The following TANC2 variants were observed in gnomAD, a reference collection of about 807,000 sequenced individuals.
The protein encoded by TANC2 is protein TANC2.
A neutral mutation model predicts 210.5 loss-of-function variants in TANC2; 26 were observed. The observed-to-expected ratio is 0.12, with a 90% CI of 0.09 to 0.17. The LOEUF is 0.17. Ranked by LOEUF, TANC2 falls within the 10% of genes least tolerant of loss-of-function variation. The pLI is 1.00. For missense variants in TANC2, 2,129 were observed against 2,608.9 expected (o/e 0.82, Z 4.01); for synonymous variants, 931 against 967.1 (o/e 0.96, Z 0.69).
At chr17:63,410,343 C>T (rs1056733020) in intron 21 of TANC2, among the ~76,000 whole-genome samples, 3 of 140,150 alleles carry the variant, frequency 2.1e-5, no homozygotes, top group African/African-American at 5.7e-5. Context: ...CCAATCCCCC[C>T]CCCCCATCTC....
intron 5 of TANC2, among the ~76,000 whole-genome samples, chr17:63,156,979 G>C (rs750652562): frequency 9.2e-5 from 14 of 152,146 alleles, no homozygotes; most frequent in Non-Finnish European, 1.8e-4. Flanking sequence ...TTATAGGCGT[G>C]AGCCACCATG....
chr17:63,421,178 A>G lies in TANC2; in HGVS notation c.5448A>G (p.Lys1816=). The G allele has an allele frequency of 6.2e-7, 1 of 1,613,884 alleles. No individual in the cohort carries two copies. Among genetic ancestry groups the G allele is most frequent in the Non-Finnish European group, 8.5e-7 (1 of 1,179,866 alleles). Residue 1816 remains lysine (K), a synonymous_variant, in exon 28 of 28, where the codon AAA becomes AAG. Transcript: ENST00000689528. The surrounding 1 kb of genome is among the most constrained non-coding windows in gnomAD (Gnocchi z 6.9). Reference sequence around the variant, plus strand: ...CCTATTACCCAGTCTGTCACTCAAAACTAGATCTGGAGCGCTCCTCCAGCC... The same window carrying G: ...CCTATTACCCAGTCTGTCACTCAAAGCTAGATCTGGAGCGCTCCTCCAGCC...
intron 8 of TANC2, among the ~76,000 whole-genome samples, chr17:63,262,619 TAG>T (rs1426005019): frequency 6.8e-6 from 1 of 148,022 alleles, no homozygotes; most frequent in Admixed American, 6.8e-5. Flanking sequence ...TCTGAATCCC[TAG>T]TAGTCCTCTT....
chr17:63,141,279 T>C (rs2039278858), intron 4 of TANC2, among the ~76,000 whole-genome samples: 1 of 145,898 alleles, frequency 6.9e-6, no homozygotes, highest in Non-Finnish European at 1.5e-5. Context: ...TGGTGGCTCA[T>C]GCCTGTAATC....
At chr17:62,983,897 A>G (rs952073544) in intron 1 of TANC2, among the ~76,000 whole-genome samples, 10 of 152,058 alleles carry the variant, frequency 6.6e-5, no homozygotes, top group Non-Finnish European at 1.3e-4. Flanking sequence ...TTTTGCTTCT[A>G]TGTTCATTAG....
intron 2 of TANC2, among the ~76,000 whole-genome samples, chr17:63,050,807 A>G (rs1000455871): frequency 2.6e-5 from 4 of 152,242 alleles, no homozygotes; most frequent in Non-Finnish European, 4.4e-5. Flanking sequence ...AATGATAGGG[A>G]CAAAAGTCTT....
At chr17:63,337,622 TTTA>T (rs1399548731) in intron 11 of TANC2, among the ~76,000 whole-genome samples, 5 of 151,658 alleles carry the variant, frequency 3.3e-5, no homozygotes, top group African/African-American at 1.2e-4. Flanking sequence ...TTTTTTTTTT[TTTA>T]AATTTTATTT....
At chr17:62,973,266 G>T (rs1336178128) in intron 1 of TANC2, among the ~76,000 whole-genome samples, 1 of 152,084 alleles carries the variant, frequency 6.6e-6, no homozygotes, top group East Asian at 1.9e-4. Flanking sequence ...TTCTGACCTC[G>T]AATGATCGGC....
At chr17:63,216,570 AAGTGAGGAC>A (rs1380809898) in intron 7 of TANC2, among the ~76,000 whole-genome samples, 11 of 152,190 alleles carry the variant, frequency 7.2e-5, no homozygotes, top group African/African-American at 2.7e-4. Context: ...CTGGCATGCA[AAGTGAGGAC>A]AGCCTTGTGG....
At chr17:63,020,300 TTTATTC>T (rs2034292656) in intron 2 of TANC2, among the ~76,000 whole-genome samples, 1 of 152,170 alleles carries the variant, frequency 6.6e-6, no homozygotes, top group Non-Finnish European at 1.5e-5. Context: ...AATTTATTGT[TTTATTC>T]TTTTTCTTTT....
At chr17:62,983,215 A>T (rs982436112) in intron 1 of TANC2, among the ~76,000 whole-genome samples, 1 of 152,068 alleles carries the variant, frequency 6.6e-6, no homozygotes, top group Non-Finnish European at 1.5e-5. Flanking sequence ...GCTATTATAA[A>T]TCGAATTGCC....
chr17:63,285,038 A>G (rs2044178672), intron 9 of TANC2, among the ~76,000 whole-genome samples: 1 of 152,106 alleles, frequency 6.6e-6, no homozygotes, highest in Non-Finnish European at 1.5e-5. Flanking sequence ...AATAATAAAA[A>G]CCACTCCACC....
At chr17:63,256,953 T>G (rs961576299) in intron 8 of TANC2, among the ~76,000 whole-genome samples, 2 of 152,308 alleles carry the variant, frequency 1.3e-5, no homozygotes, top group African/African-American at 4.8e-5. Flanking sequence ...TTATTTCCAT[T>G]TACATGGAAT....
rs371602530 is a variant in TANC2 at position 63,272,959 on chromosome 17, T to G, written c.1159+5086T>G. The stretch of plus-strand genomic sequence containing the variant: ...CTGTTAAGAGCAGTGTTTCTCAAAC[T>G]TTTTGGTCCCGGGAGCCTTTTATAC... On this transcript the variant is annotated intron_variant, in intron 9 of 27. Coordinates refer to ENST00000689528, the Ensembl canonical transcript of TANC2. Among the ~76,000 whole-genome samples, 46 of 151,830 alleles carry G rather than the reference T, an allele frequency of 3.0e-4. No homozygotes were observed. The East Asian group carries it at 7.7e-3, about 26-fold the overall frequency.
chr17:63,210,872 G>C (rs1465752957), intron 7 of TANC2, among the ~76,000 whole-genome samples: 1 of 151,946 alleles, frequency 6.6e-6, no homozygotes, highest in African/African-American at 2.4e-5. Context: ...TTTTGAATCA[G>C]TTTCCTTGTA....
At chr17:63,410,891 A>C (rs1276875468) in intron 21 of TANC2, among the ~76,000 whole-genome samples, 1 of 137,784 alleles carries the variant, frequency 7.3e-6, no homozygotes. Flanking sequence ...AAAAAAAAAG[A>C]AGCAGAAGAA....
At chr17:63,172,002 ATATTT>A (rs2145578073) in intron 5 of TANC2, among the ~76,000 whole-genome samples, 1 of 152,286 alleles carries the variant, frequency 6.6e-6, no homozygotes, top group South Asian at 2.1e-4. Flanking sequence ...CAGAGCAATG[ATATTT>A]TATTTTCTTG....
intron 4 of TANC2, 85 bp from the exon 5 acceptor site, chr17:63,151,185 T>C (rs2039640743): frequency 1.7e-6 from 1 of 593,630 alleles, no homozygotes; most frequent in Non-Finnish European, 2.1e-6. Flanking sequence ...TCCTTCTCTT[T>C]CCCTGTTTCT....
At chr17:63,316,292 C>G (rs374133597) in intron 10 of TANC2, among the ~76,000 whole-genome samples, 1 of 112,244 alleles carries the variant, frequency 8.9e-6, no homozygotes, top group South Asian at 2.7e-4. Flanking sequence ...AGAAAGGAAG[C>G]CAGAAAGCTC....
Sources: allele counts gnomAD v4.1 joint callset (sites outside exome capture counted in the v4.1 genomes callset), GRCh38; gene constraint gnomAD v4.1.1; non-coding constraint Gnocchi (gnomAD v3.1); transcripts MANE v1.5; gene names NCBI Gene and HGNC (gene_info 2026-07-23, HGNC 2026-07-21).